Variants in MPP7 observed in about 807,000 individuals in gnomAD.
The protein encoded by MPP7 is MAGUK p55 subfamily member 7.
MPP7 carries 60 observed loss-of-function variants against 76.5 expected under a neutral mutation model. That is an observed-to-expected ratio of 0.78 (90% CI 0.64 to 0.97). The LOEUF (loss-of-function observed/expected upper bound fraction) is 0.97. Ranked by LOEUF, MPP7 falls within the 50% of genes least tolerant of loss-of-function variation. The pLI is 0.00. For missense variants in MPP7, 641 were observed against 694.0 expected (o/e 0.92, Z 0.86); for synonymous variants, 237 against 244.5 (o/e 0.97, Z 0.29).
intron 1 of MPP7, among the ~76,000 whole-genome samples, chr10:28,276,670 G>A (rs1840507621): frequency 6.6e-6 from 1 of 152,108 alleles, no homozygotes. Context: ...CGCAAGTCAT[G>A]CACACGTAGG....
chr10:28,207,388 T>C (rs917992998), intron 2 of MPP7, among the ~76,000 whole-genome samples: 4 of 152,128 alleles, frequency 2.6e-5, no homozygotes, highest in South Asian at 4.1e-4. Context: ...AGACCAATCA[T>C]TGAAGGTCAG....
At chr10:28,234,618 T>A (rs1376783085) in intron 2 of MPP7, among the ~76,000 whole-genome samples, 1 of 152,194 alleles carries the variant, frequency 6.6e-6, no homozygotes, top group Non-Finnish European at 1.5e-5. Context: ...CAGTGTGATA[T>A]GATGACAATG....
At chr10:28,057,778 G>A (rs752130989) in intron 15 of MPP7, 16 of 1,287,426 alleles carry the variant, frequency 1.2e-5, no homozygotes, top group Middle Eastern at 2.1e-4. Flanking sequence ...AAGGGCTTCC[G>A]CAGGTCATTC....
At position 28,197,090 on chromosome 10, in the gene MPP7, G is replaced by A. The variant is rs116579768; in HGVS notation, c.156+5063C>T. On this transcript the variant is annotated intron_variant, in intron 3 of 16. Coordinates refer to ENST00000683449, the MANE Select transcript of MPP7 (RefSeq NM_001318170.2). ...CCTCAATCCTAAAGGTGGATTGTTCGCTCTTGCCTCCAGGTGTTCGCATCC... is the reference window on the plus strand; with the variant it reads ...CCTCAATCCTAAAGGTGGATTGTTCACTCTTGCCTCCAGGTGTTCGCATCC... 2.9e-3 allele frequency among the ~76,000 whole-genome samples: 436 copies of A among 151,562 alleles called. 1 individual carries two copies. Among genetic ancestry groups the A allele is most frequent in the African/African-American group, 9.8e-3 (403 of 41,316 alleles).
At chr10:28,249,148 T>C (rs1029826528) in intron 1 of MPP7, among the ~76,000 whole-genome samples, 2 of 151,694 alleles carry the variant, frequency 1.3e-5, no homozygotes, top group South Asian at 2.1e-4. Flanking sequence ...ATATTTTATA[T>C]ATATTATTTA....
At chr10:28,296,748 G>GA (rs1325332348) in intron 1 of MPP7, among the ~76,000 whole-genome samples, 2 of 151,906 alleles carry the variant, frequency 1.3e-5, no homozygotes, top group African/African-American at 2.4e-5. Context: ...GCCTCTTCAA[G>GA]AAAAAAACAT....
Position 28,056,638 on chromosome 10 carries a change from A to G in MPP7, c.1408-15T>C. 2 of 1,534,886 alleles carry G rather than the reference A, an allele frequency of 1.3e-6. No individual in the cohort carries two copies. Among genetic ancestry groups the G allele is most frequent in the Non-Finnish European group, 1.7e-6 (2 of 1,152,596 alleles). On this transcript the variant is annotated splice_polypyrimidine_tract_variant and intron_variant, in intron 15 of 16. Transcript: ENST00000683449. ...TGCTTCACTGTCTACAAGGAAGAAA[A>G]GAAAGTTTTCTCACATTTCTCCATA...
chr10:28,146,414 T>G (rs1475359827), intron 5 of MPP7, among the ~76,000 whole-genome samples: 265 of 150,452 alleles, frequency 1.8e-3, no homozygotes, highest in African/African-American at 4.8e-3. Context: ...TGTTTTTTTT[T>G]TTTTTGAGAC....
chr10:28,158,361 TATAC>T (rs901716622), intron 3 of MPP7, among the ~76,000 whole-genome samples: 4 of 152,104 alleles, frequency 2.6e-5, no homozygotes, highest in African/African-American at 9.7e-5. Flanking sequence ...AAATTTCATA[TATAC>T]ATACATACAT....
chr10:28,102,639 C>T (rs1337759693), intron 11 of MPP7, among the ~76,000 whole-genome samples: 1 of 152,184 alleles, frequency 6.6e-6, no homozygotes, highest in Non-Finnish European at 1.5e-5. Context: ...CAGTCTTTCC[C>T]ATCTCAGTAA....
At chr10:28,313,894 C>A in intron 2 of MPP7, among the ~76,000 whole-genome samples, 1 of 97,428 alleles carries the variant, frequency 1.0e-5, no homozygotes, top group African/African-American at 4.2e-5. Context: ...TTGGTAGAGA[C>A]AGGGTTTTGC....
chr10:28,326,475 T>G (rs1834416904), intron 2 of MPP7, among the ~76,000 whole-genome samples: 1 of 152,150 alleles, frequency 6.6e-6, no homozygotes, highest in Admixed American at 6.5e-5. Context: ...AAACTTACAC[T>G]TCTACAAATG....
rs184830552 is a variant in MPP7, at chr10:28,142,151, G to A, written c.315+5332C>T. Among the ~76,000 whole-genome samples, 805 of 152,114 alleles carry A rather than the reference G, an allele frequency of 5.3e-3. 5 individuals carry two copies. The highest frequency in any genetic ancestry group is 9.1e-3 in the Non-Finnish European group (616 of 67,994). On this transcript the variant is annotated intron_variant, in intron 5 of 16. Coordinates refer to ENST00000683449, the MANE Select transcript of MPP7 (RefSeq NM_001318170.2). ...TTCCAAGCTAACTCAGTGCCCAGAA[G>A]TCATAAAGAAAAAGAATGCCAAATT...
chr10:28,125,122 G>A lies in MPP7; in HGVS notation c.448-31C>T, dbSNP rs527755776. 1.2e-5 allele frequency: 18 copies of A among 1,563,816 alleles called. No individual in the cohort carries two copies. In the East Asian group the frequency reaches 3.6e-4, roughly 31 times the overall value. ...AAGACAAAAACAAAAAGCATTTGTG[G>A]GTAAATGTGTGTACTAGGTGTTAGA... On this transcript the variant is annotated intron_variant, in intron 6 of 16. Transcript: ENST00000683449.
At chr10:28,255,336 A>G (rs1211083637) in intron 1 of MPP7, among the ~76,000 whole-genome samples, 4 of 151,600 alleles carry the variant, frequency 2.6e-5, no homozygotes, top group African/African-American at 9.7e-5. Context: ...CTGGTGTCAA[A>G]CTCCTGACCT....
intron 3 of MPP7, among the ~76,000 whole-genome samples, chr10:28,170,223 CTG>C (rs1471305021): frequency 2.0e-5 from 3 of 151,998 alleles, no homozygotes; most frequent in Admixed American, 6.6e-5. Context: ...TGTATATGTT[CTG>C]TTTTGGGTAT....
intron 11 of MPP7, among the ~76,000 whole-genome samples, chr10:28,110,578 G>A (rs1834475717): frequency 6.6e-6 from 1 of 152,036 alleles, no homozygotes; most frequent in African/African-American, 2.4e-5. Flanking sequence ...GAGTAACAGG[G>A]GAATGAAATA....
chr10:28,238,012 G>A (rs1420231546), intron 2 of MPP7, among the ~76,000 whole-genome samples: 1 of 151,708 alleles, frequency 6.6e-6, no homozygotes, highest in East Asian at 1.9e-4. Context: ...CCTATTCTAG[G>A]TATCTCAAAG....
At chr10:28,178,989 A>G (rs1836968396) in intron 3 of MPP7, among the ~76,000 whole-genome samples, 2 of 152,218 alleles carry the variant, frequency 1.3e-5, no homozygotes, top group Admixed American at 1.3e-4. Flanking sequence ...CACCTAAAAG[A>G]ACTTCTAGAA....
Sources: allele counts gnomAD v4.1 joint callset (sites outside exome capture counted in the v4.1 genomes callset), GRCh38; gene constraint gnomAD v4.1.1; transcripts MANE v1.5; gene names NCBI Gene and HGNC (gene_info 2026-07-23, HGNC 2026-07-21).